MGMT: variants seen among roughly 807,000 people sequenced by gnomAD.
MGMT encodes the protein O-6-methylguanine-DNA methyltransferase.
A neutral mutation model predicts 15.9 loss-of-function variants in MGMT; 14 were observed. The observed-to-expected ratio is 0.88, with a 90% CI of 0.58 to 1.37. The LOEUF (loss-of-function observed/expected upper bound fraction) is 1.37, where lower values mean the gene tolerates loss of function less well. Among genes scored for constraint, MGMT ranks in the 40% most tolerant of loss-of-function variants. MGMT has a pLI of 0.00. For missense variants in MGMT, 282 were observed against 268.1 expected, an observed-to-expected ratio of 1.05 and a Z score of -0.36; for synonymous variants, 130 against 118.2, an observed-to-expected ratio of 1.10 and a Z score of -0.65.
At chr10:129,680,695 A>T (rs1237190395) in intron 2 of MGMT, among the ~76,000 whole-genome samples, 1 of 152,172 alleles carries the variant, frequency 6.6e-6, no homozygotes, top group Non-Finnish European at 1.5e-5. Context: ...TCCTTTAACC[A>T]GTCGTCAGGT....
intron 2 of MGMT, among the ~76,000 whole-genome samples, chr10:129,563,097 A>T (rs1846299031): frequency 6.6e-6 from 1 of 152,174 alleles, no homozygotes. Context: ...TGTTGTGAGC[A>T]CGTTTAAGGC....
At chr10:129,755,085 A>G (rs2133182042) in intron 3 of MGMT, among the ~76,000 whole-genome samples, 1 of 152,332 alleles carries the variant, frequency 6.6e-6, no homozygotes, top group Non-Finnish European at 1.5e-5. Context: ...AAGGCTGCCA[A>G]CTACTACTGA....
chr10:129,562,436 T>G (rs911953605), intron 2 of MGMT, among the ~76,000 whole-genome samples: 1 of 152,218 alleles, frequency 6.6e-6, no homozygotes, highest in Non-Finnish European at 1.5e-5. Context: ...TGTGATTTAT[T>G]ATCGGAGGAC....
At chr10:129,550,283 C>A (rs1452316131) in intron 2 of MGMT, among the ~76,000 whole-genome samples, 1 of 150,860 alleles carries the variant, frequency 6.6e-6, no homozygotes, top group African/African-American at 2.4e-5. Context: ...TCACCGCCAC[C>A]CAGCACCGGC....
At chr10:129,630,979 T>A (rs1435211380) in intron 2 of MGMT, among the ~76,000 whole-genome samples, 1 of 152,204 alleles carries the variant, frequency 6.6e-6, no homozygotes, top group Non-Finnish European at 1.5e-5. Flanking sequence ...TTGTTTTGTG[T>A]TTAATGAAAA....
intron 1 of MGMT, among the ~76,000 whole-genome samples, chr10:129,527,428 C>T (rs1021750761): frequency 6.6e-6 from 1 of 152,192 alleles, no homozygotes; most frequent in African/African-American, 2.4e-5. Context: ...GCCCGCTTTC[C>T]TTTGATGGTA....
chr10:129,647,010 C>G lies in MGMT; in HGVS notation c.126-60885C>G, dbSNP rs192817538. Among the ~76,000 whole-genome samples the G allele has an allele frequency of 8.5e-3, 1,293 of 151,986 alleles. 15 individuals are homozygous for G. The highest frequency in any genetic ancestry group is 0.027 in the African/African-American group (1,120 of 41,434). ...GAGAAGAGGAAATGAGGGGCAGTTC[C>G]CTTCCATTTTCCTCCCAGCCGCTCA... is the stretch of plus-strand genomic sequence containing the variant. On this transcript the variant is annotated intron_variant, in intron 2 of 4. Transcript: ENST00000651593.
rs76476708 is a variant in MGMT at position 129,526,444 on chromosome 10, C to T, written c.-12-9797C>T. Among the ~76,000 whole-genome samples, 792 of 152,198 alleles carry T rather than the reference C, an allele frequency of 5.2e-3. 11 individuals carry two copies. The highest frequency in any genetic ancestry group is 0.018 in the African/African-American group (763 of 41,506). ...GCCAATCTCCCCCTTCACACAGACC[C>T]GAAGCCCAGGCCACAAGGGACCTGG... On this transcript the variant is annotated intron_variant, in intron 1 of 4. Coordinates refer to ENST00000651593, the MANE Select transcript of MGMT (RefSeq NM_002412.5).
chr10:129,657,990 A>T (rs1847552049), intron 2 of MGMT, among the ~76,000 whole-genome samples: 1 of 151,984 alleles, frequency 6.6e-6, no homozygotes, highest in Non-Finnish European at 1.5e-5. Context: ...TGTGGTGTTG[A>T]GATTGGTAGT....
intron 3 of MGMT, among the ~76,000 whole-genome samples, chr10:129,742,303 C>T (rs1848643335): frequency 6.6e-6 from 1 of 152,244 alleles, no homozygotes; most frequent in Non-Finnish European, 1.5e-5. Flanking sequence ...CCTATGATCT[C>T]CAGTAACTCT....
intron 2 of MGMT, among the ~76,000 whole-genome samples, chr10:129,568,869 C>G (rs1364070987): frequency 6.6e-6 from 1 of 152,158 alleles, no homozygotes; most frequent in Non-Finnish European, 1.5e-5. Context: ...CCAGTCCTCT[C>G]CTTATTCTGT....
intron 2 of MGMT, among the ~76,000 whole-genome samples, chr10:129,577,733 A>G (rs2133044077): frequency 6.6e-6 from 1 of 152,330 alleles, no homozygotes; most frequent in Admixed American, 6.5e-5. Flanking sequence ...AGAAACCACC[A>G]TCAGAGTGAA....
At chr10:129,763,456 G>A (rs1196586032) in intron 4 of MGMT, among the ~76,000 whole-genome samples, 1 of 152,176 alleles carries the variant, frequency 6.6e-6, no homozygotes, top group Non-Finnish European at 1.5e-5. Context: ...GGTGAGGACC[G>A]GTCACAGCTG....
At chr10:129,473,342 T>C (rs1003087601) in intron 1 of MGMT, among the ~76,000 whole-genome samples, 3 of 152,230 alleles carry the variant, frequency 2.0e-5, no homozygotes, top group Admixed American at 6.5e-5. Flanking sequence ...TCTCCTGTCA[T>C]GGTTCAGCTC....
At chr10:129,745,618 A>T (rs1482034262) in intron 3 of MGMT, among the ~76,000 whole-genome samples, 1 of 152,204 alleles carries the variant, frequency 6.6e-6, no homozygotes, top group South Asian at 2.1e-4. Context: ...CCGTGTGGGT[A>T]TATCTCCATT....
chr10:129,741,400 G>A (rs1268018165), intron 3 of MGMT, among the ~76,000 whole-genome samples: 1 of 152,202 alleles, frequency 6.6e-6, no homozygotes, highest in Non-Finnish European at 1.5e-5. Context: ...CAGTTGAGTG[G>A]CCACGCGTGT....
At chr10:129,705,513 A>T (rs1045322939) in intron 2 of MGMT, among the ~76,000 whole-genome samples, 11 of 152,352 alleles carry the variant, frequency 7.2e-5, no homozygotes, top group Admixed American at 7.2e-4. Context: ...CTTTTTAACT[A>T]TAAGGAAGGT....
chr10:129,698,290 G>A (rs1405877265), intron 2 of MGMT, among the ~76,000 whole-genome samples: 1 of 152,176 alleles, frequency 6.6e-6, no homozygotes, highest in Non-Finnish European at 1.5e-5. Context: ...TTGACCAGAT[G>A]CCCCATTTGA....
chr10:129,649,586 T>G (rs370405635), intron 2 of MGMT, among the ~76,000 whole-genome samples: 37 of 152,314 alleles, frequency 2.4e-4, no homozygotes, highest in East Asian at 2.3e-3. Context: ...GAGACACAAT[T>G]GGCATCTGTA....
Sources: gnomAD v4.1 joint callset for allele counts (sites outside exome capture counted in the v4.1 genomes callset) on GRCh38, gnomAD v4.1.1 for gene constraint, MANE v1.5 for transcripts, NCBI Gene and HGNC (gene_info 2026-07-23, HGNC 2026-07-21) for gene names.